Variants in ERC1 observed in about 807,000 individuals in gnomAD.
ERC1 encodes the protein RAB6 interacting protein 2.
In ERC1, 56 loss-of-function variants were observed where a neutral mutation model predicts 132.0. The ratio of observed to expected loss-of-function variants is 0.42; its 90% CI spans 0.34 to 0.53. The LOEUF is 0.53. Among genes scored for constraint, ERC1 ranks in the 20% least tolerant of loss-of-function variants. ERC1 has a pLI of 0.03. For missense variants in ERC1, 1,202 were observed against 1,349.9 expected, an observed-to-expected ratio of 0.89 and a Z score of 1.72; for synonymous variants, 478 against 476.1, an observed-to-expected ratio of 1.00 and a Z score of -0.05.
intron 8 of ERC1, among the ~76,000 whole-genome samples, chr12:1,147,475 G>T (rs1295942753): frequency 2.0e-5 from 3 of 152,074 alleles, no homozygotes; most frequent in Non-Finnish European, 4.4e-5. Context: ...CACTTCTCAT[G>T]CACTTGATCA....
intron 2 of ERC1, among the ~76,000 whole-genome samples, chr12:1,038,449 C>T (rs1033456492): frequency 3.3e-5 from 5 of 151,834 alleles, no homozygotes; most frequent in African/African-American, 1.2e-4. Context: ...GCAACCTCCG[C>T]CTCCCAGGTT....
At chr12:1,421,214 C>T (rs1565402865) in intron 17 of ERC1, among the ~76,000 whole-genome samples, 1 of 152,106 alleles carries the variant, frequency 6.6e-6, no homozygotes, top group Non-Finnish European at 1.5e-5. Flanking sequence ...GAACTTGTTC[C>T]TCCCATCTAC....
chr12:1,426,385 A>T (rs2092642157), intron 17 of ERC1, among the ~76,000 whole-genome samples: 1 of 152,190 alleles, frequency 6.6e-6, no homozygotes, highest in Non-Finnish European at 1.5e-5. Context: ...CATTACAGGT[A>T]TGAGCCACTT....
chr12:1,324,184 C>T (rs2082298659), intron 15 of ERC1, among the ~76,000 whole-genome samples: 1 of 152,164 alleles, frequency 6.6e-6, no homozygotes, highest in South Asian at 2.1e-4. Context: ...ACGTATCCGT[C>T]TATTCTGGAT....
chr12:1,208,957 A>ATTTTTTTTTTT (rs538961813), intron 12 of ERC1, among the ~76,000 whole-genome samples: 9 of 71,636 alleles, frequency 1.3e-4, no homozygotes, highest in African/African-American at 5.0e-4. Context: ...CGCCCAGCTG[A>ATTTTTTTTTTT]TTTTTTTTTT....
chr12:1,313,065 G>A (rs544208845), intron 15 of ERC1, among the ~76,000 whole-genome samples: 2 of 152,150 alleles, frequency 1.3e-5, no homozygotes, highest in African/African-American at 2.4e-5. Flanking sequence ...TAGGCAATTT[G>A]GGGCTGCTAC....
chr12:1,198,003 G>A (rs1161651399), intron 12 of ERC1, among the ~76,000 whole-genome samples: 1 of 151,754 alleles, frequency 6.6e-6, no homozygotes, highest in African/African-American at 2.4e-5. Flanking sequence ...ACGGCTCACT[G>A]CAGCCTTAAC....
intron 2 of ERC1, among the ~76,000 whole-genome samples, chr12:1,037,535 A>G (rs911669283): frequency 6.6e-6 from 1 of 152,154 alleles, no homozygotes; most frequent in Non-Finnish European, 1.5e-5. Flanking sequence ...GTGCTTAGAA[A>G]CCATACTTTA....
At chr12:1,364,314 C>T (rs553238933) in intron 15 of ERC1, among the ~76,000 whole-genome samples, 32 of 152,340 alleles carry the variant, frequency 2.1e-4, no homozygotes, top group Non-Finnish European at 4.0e-4. Flanking sequence ...TTACCTTCAA[C>T]TCAGTCTTTC....
intron 14 of ERC1, 147 bp downstream of exon 14, chr12:1,263,312 C>A: frequency 2.9e-6 from 2 of 679,440 alleles, no homozygotes; most frequent in Non-Finnish European, 4.6e-6. Flanking sequence ...GGAGTTCCTT[C>A]ATAGCGGTAT....
chr12:1,428,071 A>G (rs897810459), intron 17 of ERC1, among the ~76,000 whole-genome samples: 4 of 152,176 alleles, frequency 2.6e-5, no homozygotes, highest in African/African-American at 9.7e-5. Context: ...CATCTCTGGA[A>G]CATATGCACT....
chr12:1,455,358 C>T (rs1378338542), intron 18 of ERC1, among the ~76,000 whole-genome samples: 1 of 152,184 alleles, frequency 6.6e-6, no homozygotes, highest in Non-Finnish European at 1.5e-5. Context: ...AGCCTCTCTT[C>T]AGCACGCCCC....
intron 8 of ERC1, among the ~76,000 whole-genome samples, chr12:1,149,589 G>C (rs79386008): frequency 0.023 from 3,530 of 152,090 alleles, 53 homozygotes; most frequent in East Asian, 0.073. Flanking sequence ...TGTAGAGATG[G>C]GGTTTCACCA....
intron 15 of ERC1, among the ~76,000 whole-genome samples, chr12:1,312,347 A>G (rs1396719337): frequency 6.6e-6 from 1 of 152,094 alleles, no homozygotes; most frequent in East Asian, 1.9e-4. Flanking sequence ...TGACTCCTTG[A>G]CATTGTATTA....
chr12:999,880 C>A (rs61917256), intron 1 of ERC1, among the ~76,000 whole-genome samples: 1 of 151,968 alleles, frequency 6.6e-6, no homozygotes, highest in Non-Finnish European at 1.5e-5. Context: ...CAGGCGTGAG[C>A]CACTGTGCCC....
chr12:1,130,199 C>T (rs930097924), intron 7 of ERC1, among the ~76,000 whole-genome samples: 2 of 152,116 alleles, frequency 1.3e-5, no homozygotes, highest in African/African-American at 4.8e-5. Context: ...TGTAAGAAAG[C>T]GTAAAGACCT....
At chr12:1,454,592 G>A (rs7977154) in intron 18 of ERC1, among the ~76,000 whole-genome samples, 16,537 of 152,182 alleles carry the variant, frequency 0.11, 3,038 homozygotes, top group African/African-American at 0.38. Flanking sequence ...TCTGGGTCAG[G>A]AGAGTTGTGC....
chr12:1,187,454 G>A (rs1427731676), intron 11 of ERC1, among the ~76,000 whole-genome samples: 1 of 150,880 alleles, frequency 6.6e-6, no homozygotes, highest in Admixed American at 6.6e-5. Flanking sequence ...TTTTGTAGAG[G>A]CGAGGTCCCA....
chr12:1,432,099 G>A (rs952275257), intron 17 of ERC1, among the ~76,000 whole-genome samples: 5 of 152,022 alleles, frequency 3.3e-5, no homozygotes, highest in South Asian at 2.1e-4. Flanking sequence ...GGTTGGTCTC[G>A]AACTCCTGAG....
Sources: allele counts gnomAD v4.1 joint callset (sites outside exome capture counted in the v4.1 genomes callset), GRCh38; gene constraint gnomAD v4.1.1; transcripts MANE v1.5; gene names NCBI Gene and HGNC (gene_info 2026-07-23, HGNC 2026-07-21).